The following JAKMIP3 variants were observed in gnomAD, a reference collection of about 807,000 sequenced individuals.
JAKMIP3 encodes janus kinase and microtubule-interacting protein 3.
Under a neutral mutation model 118.5 loss-of-function variants are expected in JAKMIP3, and 58 were observed. The ratio of observed to expected loss-of-function variants is 0.49; its 90% CI spans 0.40 to 0.61. The LOEUF (loss-of-function observed/expected upper bound fraction) is 0.61. JAKMIP3 is among the 20% of genes least tolerant of loss of function. JAKMIP3 has a pLI of 0.00. For missense variants in JAKMIP3, 950 were observed against 1,109.0 expected, an observed-to-expected ratio of 0.86 and a Z score of 2.04; for synonymous variants, 486 against 451.2, an observed-to-expected ratio of 1.08 and a Z score of -0.98.
chr10:132,125,338 C>G (rs1036089890), intron 3 of JAKMIP3, among the ~76,000 whole-genome samples: 3 of 152,236 alleles, frequency 2.0e-5, no homozygotes, highest in African/African-American at 7.2e-5. Flanking sequence ...CCGTCCTTTC[C>G]CCCTGAACTG....
At chr10:132,164,576 G>A (rs77822814) in intron 20 of JAKMIP3, 94 bp from the exon 21 acceptor site, 110,431 of 844,488 alleles carry the variant, frequency 0.13, 8,550 homozygotes, top group Non-Finnish European at 0.15. Context: ...GCTCTGCGAC[G>A]ATCTGTTACC....
chr10:132,152,852 C>G, intron 16 of JAKMIP3, 106 bp from the exon 17 acceptor site: 1 of 827,670 alleles, frequency 1.2e-6, no homozygotes, highest in South Asian at 1.5e-5. Flanking sequence ...CCCACCCAGG[C>G]GTCCCCAGTC....
At chr10:132,100,616 C>A (rs2044709960) in intron 1 of JAKMIP3, among the ~76,000 whole-genome samples, 1 of 152,292 alleles carries the variant, frequency 6.6e-6, no homozygotes, top group East Asian at 1.9e-4. Flanking sequence ...CCACGCCCCC[C>A]CAGCAGCTAT....
Position 132,117,528 on chromosome 10 carries a change from A to G in JAKMIP3, c.587A>G (p.Glu196Gly). The G allele has an allele frequency of 6.3e-7, 1 of 1,594,654 alleles. No homozygotes were observed. The change falls in exon 3 of 24, where the codon GAG becomes GGG. Residue 196 changes from glutamate to glycine, a missense_variant. Transcript: ENST00000684848. This position sits in a 1 kb window ranked among gnomAD's most constrained non-coding sequence, Gnocchi z 8.6. ...AGCGTGTACCACCTGCACCAGGAGGAGATCACCCGCATCAAGAAGGAGTGC... is the reference window on the plus strand; with the variant it reads ...AGCGTGTACCACCTGCACCAGGAGGGGATCACCCGCATCAAGAAGGAGTGC... ...IRSVYHLHQEEITRIKKECER... is the reference protein window; with the variant it reads ...IRSVYHLHQEGITRIKKECER...
At chr10:132,133,562 G>T in intron 4 of JAKMIP3, 35 bp downstream of exon 4, 1 of 1,532,478 alleles carries the variant, frequency 6.5e-7, no homozygotes, top group Non-Finnish European at 8.8e-7. Flanking sequence ...CCCACCCCGT[G>T]TCACAGACAG....
At chr10:132,036,912 C>T (rs529388576) in intron 1 of JAKMIP3, among the ~76,000 whole-genome samples, 160 of 152,086 alleles carry the variant, frequency 1.1e-3, no homozygotes, top group African/African-American at 3.8e-3. Flanking sequence ...GTCCTCCTTG[C>T]CTCTCCCGGC....
At chr10:132,050,133 T>C (rs9419328) in intron 1 of JAKMIP3, among the ~76,000 whole-genome samples, 120,889 of 152,140 alleles carry the variant, frequency 0.79, 48,396 homozygotes, top group African/African-American at 0.86. Flanking sequence ...TCCCCGGAAG[T>C]TCTGTGTTTG....
Position 132,140,365 on chromosome 10 carries a change from A to G in JAKMIP3, c.1345-86A>G, listed in dbSNP as rs1434376128. The G allele has an allele frequency of 2.0e-5, 31 of 1,552,812 alleles. 1 individual carries two copies. The South Asian group carries it at 2.8e-4, about 14-fold the overall frequency. On this transcript the variant is annotated intron_variant, in intron 9 of 23. Coordinates refer to ENST00000684848, the MANE Select transcript of JAKMIP3 (RefSeq NM_001323087.2). Reference sequence around the variant, plus strand: ...GTCGCAGGGTGGGGCTGCGGCCCCCACCGTTGGGCAGCGGGAGGAGGCGGC... The same window carrying G: ...GTCGCAGGGTGGGGCTGCGGCCCCCGCCGTTGGGCAGCGGGAGGAGGCGGC...
chr10:132,048,887 G>A (rs949014385), intron 1 of JAKMIP3, among the ~76,000 whole-genome samples: 5 of 152,080 alleles, frequency 3.3e-5, no homozygotes, highest in Admixed American at 3.3e-4. Context: ...TGATCCGCCT[G>A]CCTTCGCCTC....
At chr10:132,050,472 G>A (rs891725453) in intron 1 of JAKMIP3, among the ~76,000 whole-genome samples, 7 of 152,178 alleles carry the variant, frequency 4.6e-5, no homozygotes, top group Non-Finnish European at 2.9e-5. Flanking sequence ...GGTGGGGAGC[G>A]GGAGGATGTG....
At chr10:132,149,337 TCAGGCCC>T in intron 14 of JAKMIP3, 68 bp from the exon 15 acceptor site, 1 of 990,900 alleles carries the variant, frequency 1.0e-6, no homozygotes, top group South Asian at 1.5e-5. Context: ...CCCGTGTTCC[TCAGGCCC>T]CAGCACAGTC....
intron 23 of JAKMIP3, among the ~76,000 whole-genome samples, chr10:132,171,557 A>G (rs754068661): frequency 6.6e-6 from 1 of 152,090 alleles, no homozygotes; most frequent in Non-Finnish European, 1.5e-5. Context: ...TTTATTTTGA[A>G]ATAATTTTAG....
Position 132,117,601 on chromosome 10 carries a change from GGGCGAGGGT to G in JAKMIP3, c.633+29_633+37del. The G allele has an allele frequency of 1.1e-6, 1 of 870,516 alleles. No individual in the cohort carries two copies. The highest frequency in any genetic ancestry group is 2.0e-5 in the South Asian group (1 of 48,782). 53.9% of individuals were successfully genotyped at this position (870,516 alleles called of 1,614,324 possible). ...TACGTGGGCAGGCAGGGGCGGGCGT[GGGCGAGGGT>G]GCAGGGGCGGGCGTGGGCGAGGGTG... On this transcript the variant is annotated intron_variant, in intron 3 of 23. Transcript: ENST00000684848. The surrounding 1 kb of genome is among the most constrained non-coding windows in gnomAD (Gnocchi z 8.6).
chr10:132,073,501 T>A (rs1285881150), intron 1 of JAKMIP3, among the ~76,000 whole-genome samples: 3 of 150,934 alleles, frequency 2.0e-5, no homozygotes, highest in Non-Finnish European at 3.0e-5. Context: ...TACTTTTTTT[T>A]TTTTTTTTTT....
rs1016412427 is a variant in JAKMIP3 at position 132,112,270 on chromosome 10, G to A, written c.136-4807G>A. Reference sequence around the variant, plus strand: ...GCCTGCTGTCCCGCGGGGCACACGGGCCTCAGGTGTGGGAGCGGGGTCTCC... The same window carrying A: ...GCCTGCTGTCCCGCGGGGCACACGGACCTCAGGTGTGGGAGCGGGGTCTCC... On this transcript the variant is annotated intron_variant, in intron 2 of 23. Transcript: ENST00000684848. This position sits in a 1 kb window ranked among gnomAD's most constrained non-coding sequence, Gnocchi z 4.3. Among the ~76,000 whole-genome samples the A allele has an allele frequency of 6.6e-6, 1 of 151,950 alleles. No homozygotes were observed. Among genetic ancestry groups the A allele is most frequent in the African/African-American group, 2.4e-5 (1 of 41,420 alleles).
chr10:132,180,610 T>TGTGCGCGC (rs2060866389), intron 23 of JAKMIP3, among the ~76,000 whole-genome samples: 1 of 31,580 alleles, frequency 3.2e-5, no homozygotes, highest in Non-Finnish European at 5.7e-5. Context: ...TGCGCGTGTG[T>TGTGCGCGC]GTGTGCGTGT....
At chr10:132,056,647 T>C (rs1207760547) in intron 1 of JAKMIP3, among the ~76,000 whole-genome samples, 1 of 152,178 alleles carries the variant, frequency 6.6e-6, no homozygotes. Flanking sequence ...ATGCCTGTCA[T>C]TTTCTTTTTG....
intron 23 of JAKMIP3, among the ~76,000 whole-genome samples, chr10:132,180,596 TGCGTGCGCGTGTGTGTGTGC>T (rs2060832870): frequency 4.1e-5 from 1 of 24,358 alleles, no homozygotes; most frequent in Non-Finnish European, 8.0e-5. Context: ...CGTGTGTGTG[TGCGTGCGCGTGTGTGTGTGC>T]GTGTGTGTGC....
intron 3 of JAKMIP3, among the ~76,000 whole-genome samples, chr10:132,131,421 G>A (rs1301256742): frequency 6.6e-6 from 1 of 150,814 alleles, no homozygotes; most frequent in African/African-American, 2.4e-5. Context: ...CTTATGGGGT[G>A]AGGGTATGGG....
Sources: allele counts gnomAD v4.1 joint callset (sites outside exome capture counted in the v4.1 genomes callset), GRCh38; gene constraint gnomAD v4.1.1; non-coding constraint Gnocchi (gnomAD v3.1); transcripts MANE v1.5; gene names NCBI Gene and HGNC (gene_info 2026-07-23, HGNC 2026-07-21).